C5orf34: variants seen among roughly 807,000 people sequenced by gnomAD.
C5orf34 encodes the protein chromosome 5 open reading frame 34, also known as uncharacterized protein C5orf34.
A neutral mutation model predicts 78.4 loss-of-function variants in C5orf34; 73 were observed. The observed-to-expected ratio is 0.93, with a 90% CI of 0.77 to 1.13. The LOEUF is 1.13. C5orf34 is among the 50% of genes most tolerant of loss of function. The pLI is 0.00. For synonymous variants in C5orf34, 251 were observed against 246.6 expected (o/e 1.02, Z -0.17); for missense variants, 730 against 732.7 (o/e 1.00, Z 0.04).
At chr5:43,504,842 G>A (rs774220769) in intron 4 of C5orf34, among the ~76,000 whole-genome samples, 28 of 152,240 alleles carry the variant, frequency 1.8e-4, no homozygotes, top group Admixed American at 1.4e-3. Flanking sequence ...ATGTGTACTC[G>A]TAATACTTTT....
intron 11 of C5orf34, among the ~76,000 whole-genome samples, chr5:43,489,006 A>G (rs1196817112): frequency 6.6e-6 from 1 of 152,120 alleles, no homozygotes; most frequent in East Asian, 1.9e-4. Flanking sequence ...ATGGAGAATG[A>G]AAAGAAATAT....
intron 11 of C5orf34, chr5:43,490,365 A>G (rs13165869): frequency 0.016 from 4,058 of 246,722 alleles, 129 homozygotes; most frequent in East Asian, 0.12. Flanking sequence ...TTGTCACATA[A>G]AAAGAGCCAC....
At chr5:43,505,237 C>T (rs1322209280) in intron 4 of C5orf34, among the ~76,000 whole-genome samples, 1 of 152,222 alleles carries the variant, frequency 6.6e-6, no homozygotes, top group African/African-American at 2.4e-5. Flanking sequence ...GTGTGTACCC[C>T]TTTTGAAAAC....
rs1167464216 is a variant in C5orf34 at position 43,492,987 on chromosome 5, T to A, written c.1315-97A>T. 2.4e-5 allele frequency: 18 copies of A among 747,614 alleles called. No individual in the cohort carries two copies. In the East Asian group the frequency reaches 5.0e-4, roughly 21 times the overall value. 46.3% of individuals were successfully genotyped at this position (747,614 alleles called of 1,614,324 possible). On this transcript the variant is annotated intron_variant, in intron 8 of 12. Transcript: ENST00000306862. ...CTCTAGGGCAATTTTGGATACTTAT[T>A]CAGAAGTCAAATATTATAAAATCCT... is the stretch of plus-strand genomic sequence containing the variant.
At chr5:43,511,638 G>A (rs537542016) in intron 1 of C5orf34, among the ~76,000 whole-genome samples, 6 of 152,336 alleles carry the variant, frequency 3.9e-5, no homozygotes, top group South Asian at 2.1e-4. Context: ...TGCTGTGTCC[G>A]TGTAGAAAGA....
chr5:43,514,503 C>G (rs1746401424), intron 1 of C5orf34, among the ~76,000 whole-genome samples: 1 of 151,920 alleles, frequency 6.6e-6, no homozygotes, highest in Admixed American at 6.6e-5. Context: ...AATAGCTTTA[C>G]TGAGGCGGTT....
At chr5:43,492,977 G>A in intron 8 of C5orf34, 87 bp from the exon 9 acceptor site, 1 of 761,744 alleles carries the variant, frequency 1.3e-6, no homozygotes, top group Non-Finnish European at 1.9e-6. Flanking sequence ...GGGCAATTTT[G>A]GATACTTATT....
At chr5:43,496,272 A>G (rs1745516030) in intron 6 of C5orf34, 2 of 1,585,736 alleles carry the variant, frequency 1.3e-6, no homozygotes, top group African/African-American at 1.3e-5. Flanking sequence ...CTTTCAGTTT[A>G]TGCAAGACCC....
At position 43,502,364 on chromosome 5, in the gene C5orf34, T is replaced by C; in HGVS notation, c.1152+8A>G. ...ACTCTTCTTGAGTTGAGTTCATTGTTGGCTTACCTTTCCTGATCCTTCTTG... is the reference window on the plus strand; with the variant it reads ...ACTCTTCTTGAGTTGAGTTCATTGTCGGCTTACCTTTCCTGATCCTTCTTG... On this transcript the variant is annotated splice_region_variant and intron_variant, in intron 6 of 12. Coordinates refer to ENST00000306862, the MANE Select transcript of C5orf34 (RefSeq NM_198566.4). 3.1e-6 allele frequency: 5 copies of C among 1,611,212 alleles called. No homozygotes were observed. The highest frequency in any genetic ancestry group is 4.2e-6 in the Non-Finnish European group (5 of 1,178,976).
Position 43,508,571 on chromosome 5 carries a change from A to T in C5orf34, c.285+6T>A. The T allele has an allele frequency of 6.5e-7, 1 of 1,538,534 alleles. No homozygotes were observed. Among genetic ancestry groups the T allele is most frequent in the Non-Finnish European group, 8.9e-7 (1 of 1,121,034 alleles). On this transcript the variant is annotated splice_donor_region_variant and intron_variant, in intron 3 of 12. Coordinates refer to ENST00000306862, the MANE Select transcript of C5orf34 (RefSeq NM_198566.4). ...ATACTAACAAAAATGAAGTTAAAAAAATCACCTTTTTTCTTTCAGAAGGTA... is the reference window on the plus strand; with the variant it reads ...ATACTAACAAAAATGAAGTTAAAAATATCACCTTTTTTCTTTCAGAAGGTA...
chr5:43,494,827 T>C (rs1745431588), intron 6 of C5orf34, among the ~76,000 whole-genome samples: 1 of 152,202 alleles, frequency 6.6e-6, no homozygotes, highest in African/African-American at 2.4e-5. Context: ...GACAAATTTT[T>C]GGTCAAGTTG....
chr5:43,501,012 G>C (rs183742742), intron 6 of C5orf34, among the ~76,000 whole-genome samples: 181 of 152,312 alleles, frequency 1.2e-3, no homozygotes, highest in Non-Finnish European at 1.8e-3. Flanking sequence ...ACAAAGGTTG[G>C]AGAGTGAAGC....
intron 7 of C5orf34, 27 bp from the exon 8 acceptor site, chr5:43,493,639 A>T (rs1745378844): frequency 7.4e-7 from 1 of 1,355,376 alleles, no homozygotes; most frequent in East Asian, 2.5e-5. Flanking sequence ...TACTACTTAA[A>T]CATTTGCAAA....
intron 12 of C5orf34, 127 bp from the exon 13 acceptor site, chr5:43,487,238 T>C (rs550219438): frequency 2.1e-6 from 1 of 483,524 alleles, no homozygotes; most frequent in African/African-American, 2.0e-5. Context: ...CATAATACAG[T>C]TGGAACTGCA....
chr5:43,488,823 C>A (rs1451580679), intron 11 of C5orf34, among the ~76,000 whole-genome samples: 1 of 152,070 alleles, frequency 6.6e-6, no homozygotes, highest in Non-Finnish European at 1.5e-5. Context: ...TGTAACTTGA[C>A]TAGCTCTCTG....
chr5:43,509,869 C>CCTTA (rs570566092), intron 1 of C5orf34, among the ~76,000 whole-genome samples: 237 of 152,024 alleles, frequency 1.6e-3, no homozygotes, highest in Middle Eastern at 3.4e-3. Context: ...GATTCTTCTG[C>CCTTA]CTTAGCCTCC....
chr5:43,494,301 T>A (rs1329830704), intron 7 of C5orf34, among the ~76,000 whole-genome samples: 1 of 152,188 alleles, frequency 6.6e-6, no homozygotes, highest in Non-Finnish European at 1.5e-5. Context: ...TTCTCCATAT[T>A]TAAATTACAA....
intron 6 of C5orf34, among the ~76,000 whole-genome samples, chr5:43,494,823 T>G (rs555062101): frequency 8.5e-5 from 13 of 152,202 alleles, no homozygotes; most frequent in Non-Finnish European, 1.8e-4. Flanking sequence ...CTGTGACAAA[T>G]TTTTGGTCAA....
chr5:43,501,524 G>T (rs757469009), intron 6 of C5orf34, among the ~76,000 whole-genome samples: 12 of 152,188 alleles, frequency 7.9e-5, no homozygotes, highest in Non-Finnish European at 1.8e-4. Context: ...TATTTATGAA[G>T]AAAACAATAT....
Sources: gnomAD v4.1 joint callset for allele counts (sites outside exome capture counted in the v4.1 genomes callset) on GRCh38, gnomAD v4.1.1 for gene constraint, MANE v1.5 for transcripts, NCBI Gene and HGNC (gene_info 2026-07-23, HGNC 2026-07-21) for gene names.